The following PTPRD variants were observed in gnomAD, a reference collection of about 807,000 sequenced individuals.
The protein encoded by PTPRD is receptor-type tyrosine-protein phosphatase delta.
In PTPRD, 34 loss-of-function variants were observed where a neutral mutation model predicts 214.5. That is an observed-to-expected ratio of 0.16 (90% confidence interval 0.12 to 0.21). PTPRD has a LOEUF of 0.21. Among genes scored for constraint, PTPRD ranks in the 10% least tolerant of loss-of-function variants. PTPRD has a pLI of 1.00. For synonymous variants in PTPRD, 1,128 were observed against 845.7 expected (o/e 1.33, Z -5.79); for missense variants, 2,545 against 2,398.7 (o/e 1.06, Z -1.27).
At position 9,218,893 on chromosome 9, in the gene PTPRD, G is replaced by A. The variant is rs575291325; in HGVS notation, c.-202-35530C>T. Among the ~76,000 whole-genome samples, 3 of 152,152 alleles carry A rather than the reference G, an allele frequency of 2.0e-5. No homozygotes were observed. The South Asian group carries it at 6.2e-4, about 32-fold the overall frequency. On this transcript the variant is annotated intron_variant, in intron 9 of 45. Coordinates refer to ENST00000381196, the MANE Select transcript of PTPRD (RefSeq NM_002839.4). ...GCAACCTCCCTGGGGCATTGTCTTG[G>A]TATTCCTTAAATATAAGAAGCCAAA...
intron 11 of PTPRD, among the ~76,000 whole-genome samples, chr9:8,898,556 T>C (rs1445625889): frequency 1.3e-5 from 2 of 152,244 alleles, no homozygotes; most frequent in Non-Finnish European, 2.9e-5. Context: ...ATTTTACATA[T>C]ATAAAATAGC....
chr9:9,306,532 C>G (rs1957188607), intron 9 of PTPRD, among the ~76,000 whole-genome samples: 1 of 142,262 alleles, frequency 7.0e-6, no homozygotes, highest in African/African-American at 2.7e-5. Context: ...CCACTGCACT[C>G]CCGTCTGGGC....
chr9:9,593,217 T>A (rs645187), intron 7 of PTPRD, among the ~76,000 whole-genome samples: 1 of 149,616 alleles, frequency 6.7e-6, no homozygotes, highest in African/African-American at 2.4e-5. Context: ...GTTTTTGTTT[T>A]TCCCCCCCCT....
intron 2 of PTPRD, among the ~76,000 whole-genome samples, chr9:10,430,439 T>C (rs112305013): frequency 6.6e-6 from 1 of 151,926 alleles, no homozygotes; most frequent in Non-Finnish European, 1.5e-5. Flanking sequence ...TAGATACGTA[T>C]GTATGTATAT....
chr9:9,740,785 A>G (rs1344028128), intron 6 of PTPRD, among the ~76,000 whole-genome samples: 1 of 152,244 alleles, frequency 6.6e-6, no homozygotes, highest in African/African-American at 2.4e-5. Flanking sequence ...TACATGTTAA[A>G]GTAAATTCTC....
chr9:9,389,735 G>C (rs2065142473), intron 9 of PTPRD, among the ~76,000 whole-genome samples: 1 of 152,116 alleles, frequency 6.6e-6, no homozygotes, highest in African/African-American at 2.4e-5. Context: ...CTTGAATAGA[G>C]TCCTAGAATA....
chr9:10,057,819 GCAA>G (rs2097685359), intron 3 of PTPRD, among the ~76,000 whole-genome samples: 1 of 147,742 alleles, frequency 6.8e-6, no homozygotes, highest in Non-Finnish European at 1.5e-5. Flanking sequence ...TCCAGCCTGG[GCAA>G]CAGAGTGAGA....
chr9:9,960,956 A>T (rs910575608), intron 4 of PTPRD, among the ~76,000 whole-genome samples: 1 of 152,076 alleles, frequency 6.6e-6, no homozygotes, highest in Non-Finnish European at 1.5e-5. Context: ...ACTCAAACAA[A>T]TTTACAAGAA....
At chr9:9,381,561 T>G (rs945531177) in intron 9 of PTPRD, among the ~76,000 whole-genome samples, 1 of 151,988 alleles carries the variant, frequency 6.6e-6, no homozygotes, top group African/African-American at 2.4e-5. Context: ...GGTTTCACCA[T>G]GTTTCCCAGG....
chr9:10,495,585 T>G (rs1342703543), intron 2 of PTPRD, among the ~76,000 whole-genome samples: 2 of 151,928 alleles, frequency 1.3e-5, no homozygotes, highest in African/African-American at 4.8e-5. Context: ...TTATATTCAT[T>G]GTCTCATGTA....
chr9:10,158,908 G>A (rs2099110287), intron 3 of PTPRD, among the ~76,000 whole-genome samples: 1 of 152,132 alleles, frequency 6.6e-6, no homozygotes, highest in African/African-American at 2.4e-5. Flanking sequence ...TGGGGAGGTG[G>A]AACTGCCATC....
intron 12 of PTPRD, among the ~76,000 whole-genome samples, chr9:8,716,614 A>G (rs369242701): frequency 1.3e-5 from 2 of 152,212 alleles, no homozygotes; most frequent in East Asian, 1.9e-4. Context: ...CTTTAGCCTC[A>G]ATATTATTGT....
chr9:8,759,350 C>T (rs1162352316), intron 11 of PTPRD, among the ~76,000 whole-genome samples: 5 of 152,028 alleles, frequency 3.3e-5, no homozygotes, highest in Non-Finnish European at 7.4e-5. Context: ...CCATGCCCGG[C>T]CTAATGTTAT....
intron 11 of PTPRD, among the ~76,000 whole-genome samples, chr9:9,012,667 TA>T (rs1395545115): frequency 6.6e-6 from 1 of 152,170 alleles, no homozygotes; most frequent in Non-Finnish European, 1.5e-5. Context: ...ATTTACAGAA[TA>T]GTATTGAAAT....
At chr9:10,141,110 A>G (rs1204016006) in intron 3 of PTPRD, among the ~76,000 whole-genome samples, 12 of 152,242 alleles carry the variant, frequency 7.9e-5, no homozygotes, top group South Asian at 6.2e-4. Flanking sequence ...CAAAATAATA[A>G]GAGCTATCTA....
intron 2 of PTPRD, among the ~76,000 whole-genome samples, chr9:10,482,094 G>T (rs543246483): frequency 2.0e-5 from 3 of 152,136 alleles, no homozygotes; most frequent in Non-Finnish European, 4.4e-5. Flanking sequence ...AATGTTGGCC[G>T]GGCGCGGTGG....
chr9:10,254,086 A>G (rs1190810150), intron 3 of PTPRD, among the ~76,000 whole-genome samples: 3 of 152,236 alleles, frequency 2.0e-5, no homozygotes, highest in Non-Finnish European at 4.4e-5. Context: ...GGAGCTATCT[A>G]GCTAATCATC....
chr9:8,788,265 T>G (rs891824538), intron 11 of PTPRD, among the ~76,000 whole-genome samples: 5 of 107,446 alleles, frequency 4.7e-5, no homozygotes, highest in African/African-American at 1.5e-4. Context: ...TTTTTTTTTT[T>G]TTTTTTTTTT....
intron 3 of PTPRD, among the ~76,000 whole-genome samples, chr9:10,087,432 G>T (rs537050658): frequency 6.6e-6 from 1 of 151,530 alleles, no homozygotes; most frequent in Admixed American, 6.6e-5. Flanking sequence ...ATCTATTGAA[G>T]ATGTGGGCAA....
Sources: allele counts gnomAD v4.1 joint callset (sites outside exome capture counted in the v4.1 genomes callset), GRCh38; gene constraint gnomAD v4.1.1; transcripts MANE v1.5; gene names NCBI Gene and HGNC (gene_info 2026-07-23, HGNC 2026-07-21).